Variants in FGF14 observed in about 807,000 individuals in gnomAD.
The protein encoded by FGF14 is fibroblast growth factor 14.
FGF14 carries 5 observed loss-of-function variants against 25.5 expected under a neutral mutation model. The observed-to-expected ratio is 0.20, with a 90% CI of 0.10 to 0.41. The LOEUF (loss-of-function observed/expected upper bound fraction) is 0.41. Ranked by LOEUF, FGF14 falls within the 10% of genes least tolerant of loss-of-function variation. The probability of loss-of-function intolerance (pLI) is 1.00; values close to 1 mark genes in which losing one functional copy is unlikely to be tolerated. For synonymous variants in FGF14, 138 were observed against 118.3 expected (o/e 1.17, Z -1.08); for missense variants, 222 against 320.1 (o/e 0.69, Z 2.34).
chr13:102,168,773 A>G (rs1480235831), intron 1 of FGF14, among the ~76,000 whole-genome samples: 2 of 152,110 alleles, frequency 1.3e-5, no homozygotes, highest in African/African-American at 4.8e-5. Flanking sequence ...ATGTACTACC[A>G]CATATTTATT....
At chr13:102,396,916 T>C (rs2058598426) in intron 1 of FGF14, among the ~76,000 whole-genome samples, 1 of 152,238 alleles carries the variant, frequency 6.6e-6, no homozygotes, top group African/African-American at 2.4e-5. Flanking sequence ...ATAAGCTTCC[T>C]GGATGGAGTC....
chr13:102,120,482 A>G (rs1405975232), intron 1 of FGF14, among the ~76,000 whole-genome samples: 1 of 152,190 alleles, frequency 6.6e-6, no homozygotes, highest in African/African-American at 2.4e-5. Flanking sequence ...ACATAAGTAG[A>G]TAGGCCTAGG....
At chr13:102,186,663 TTGTAAAATCAG>T (rs1231299967) in intron 1 of FGF14, among the ~76,000 whole-genome samples, 13 of 152,164 alleles carry the variant, frequency 8.5e-5, no homozygotes, top group African/African-American at 3.1e-4. Flanking sequence ...ATTCCAACTT[TTGTAAAATCAG>T]TGGTATGATA....
intron 1 of FGF14, among the ~76,000 whole-genome samples, chr13:101,907,814 C>T (rs1273447663): frequency 6.6e-6 from 1 of 151,886 alleles, no homozygotes; most frequent in Non-Finnish European, 1.5e-5. Flanking sequence ...TAGGATGATG[C>T]AGAAGAGAAG....
At chr13:102,182,256 A>G (rs1009016348) in intron 1 of FGF14, among the ~76,000 whole-genome samples, 1 of 152,144 alleles carries the variant, frequency 6.6e-6, no homozygotes, top group Non-Finnish European at 1.5e-5. Flanking sequence ...TTGAATATGA[A>G]GGAAAGAGCC....
chr13:101,909,172 T>A (rs554908964), intron 1 of FGF14, among the ~76,000 whole-genome samples: 1 of 152,196 alleles, frequency 6.6e-6, no homozygotes, highest in Non-Finnish European at 1.5e-5. Context: ...ATTCAGGACA[T>A]AGGCATGTGC....
At chr13:102,326,457 T>G (rs2138796363) in intron 1 of FGF14, among the ~76,000 whole-genome samples, 1 of 152,200 alleles carries the variant, frequency 6.6e-6, no homozygotes, top group South Asian at 2.1e-4. Flanking sequence ...GACATATTAG[T>G]GATTGGTAAA....
intron 1 of FGF14, among the ~76,000 whole-genome samples, chr13:101,933,287 T>C (rs560209008): frequency 1.2e-4 from 19 of 152,364 alleles, no homozygotes; most frequent in Middle Eastern, 3.4e-3. Context: ...CCATTTGTTC[T>C]ATGAATAATG....
chr13:102,358,969 C>T (rs1296751036), intron 1 of FGF14, among the ~76,000 whole-genome samples: 2 of 152,128 alleles, frequency 1.3e-5, no homozygotes, highest in African/African-American at 4.8e-5. Flanking sequence ...TACATATATA[C>T]CATGGAATAC....
chr13:102,323,963 G>GTA (rs1566937061), intron 1 of FGF14, among the ~76,000 whole-genome samples: 1 of 60,004 alleles, frequency 1.7e-5, no homozygotes, highest in African/African-American at 1.0e-4. Context: ...CAGTATGTGT[G>GTA]TGTGTGTGTG....
intron 1 of FGF14, among the ~76,000 whole-genome samples, chr13:102,301,941 C>G (rs58677069): frequency 0.024 from 3,601 of 151,616 alleles, 141 homozygotes; most frequent in African/African-American, 0.082. Context: ...GAACACATGC[C>G]CACCACCATA....
At chr13:102,278,571 T>A (rs2053658549) in intron 1 of FGF14, among the ~76,000 whole-genome samples, 2 of 151,972 alleles carry the variant, frequency 1.3e-5, no homozygotes, top group African/African-American at 2.4e-5. Flanking sequence ...TTTAGATGTG[T>A]GACCCCAAAA....
intron 1 of FGF14, among the ~76,000 whole-genome samples, chr13:102,266,109 G>A (rs1177354270): frequency 2.6e-5 from 4 of 152,226 alleles, no homozygotes; most frequent in Non-Finnish European, 4.4e-5. Context: ...TAACCAAGAC[G>A]CAGATTTCTT....
chr13:101,879,485 A>C (rs1411757082), intron 1 of FGF14, among the ~76,000 whole-genome samples: 1 of 152,214 alleles, frequency 6.6e-6, no homozygotes, highest in Non-Finnish European at 1.5e-5. Context: ...TTCTCTTAGA[A>C]ATGAGTTCAA....
chr13:102,378,232 A>T (rs1302378274), intron 1 of FGF14, among the ~76,000 whole-genome samples: 1 of 152,074 alleles, frequency 6.6e-6, no homozygotes, highest in Non-Finnish European at 1.5e-5. Context: ...TAGACTCATC[A>T]GGTGTAACAA....
At chr13:101,926,695 T>C (rs1418485492) in intron 1 of FGF14, among the ~76,000 whole-genome samples, 6 of 152,226 alleles carry the variant, frequency 3.9e-5, no homozygotes, top group African/African-American at 9.6e-5. Context: ...ATGTGATGCT[T>C]TACAAAATGA....
At chr13:102,159,252 T>G (rs953829014) in intron 1 of FGF14, among the ~76,000 whole-genome samples, 1 of 151,736 alleles carries the variant, frequency 6.6e-6, no homozygotes, top group African/African-American at 2.4e-5. Context: ...TAATCATTAG[T>G]GATATGAACA....
At chr13:101,802,446 GA>G (rs1402900880) in intron 3 of FGF14, 65 of 190,692 alleles carry the variant, frequency 3.4e-4, no homozygotes, top group Middle Eastern at 2.2e-3. Flanking sequence ...GGAGGAGGAT[GA>G]AAAAAAAACT....
chr13:101,786,516 C>G (rs1360654715), intron 3 of FGF14, among the ~76,000 whole-genome samples: 1 of 152,000 alleles, frequency 6.6e-6, no homozygotes, highest in Non-Finnish European at 1.5e-5. Context: ...AAGGTTGTTC[C>G]CTCCTAAGCC....
Sources: gnomAD v4.1 joint callset for allele counts (sites outside exome capture counted in the v4.1 genomes callset) on GRCh38, gnomAD v4.1.1 for gene constraint, MANE v1.5 for transcripts, NCBI Gene and HGNC (gene_info 2026-07-23, HGNC 2026-07-21) for gene names.